PVT1: variants seen among roughly 807,000 people sequenced by gnomAD.
The protein encoded by PVT1 is Pvt1 oncogene.
intron 4 of PVT1, among the ~76,000 whole-genome samples, chr8:128,044,062 C>G (rs1293120023): frequency 6.8e-6 from 1 of 146,556 alleles, no homozygotes; most frequent in Non-Finnish European, 1.5e-5. Flanking sequence ...GTTGCTCAGG[C>G]TGGTGTCAAC....
chr8:127,929,216 T>C (rs1396595310), intron 3 of PVT1, among the ~76,000 whole-genome samples: 7 of 114,388 alleles, frequency 6.1e-5, no homozygotes, highest in Non-Finnish European at 9.7e-5. Context: ...TTTTTTTTTT[T>C]TATTTGTAAG....
chr8:127,921,137 G>T (rs1816051982), intron 3 of PVT1, among the ~76,000 whole-genome samples: 1 of 152,140 alleles, frequency 6.6e-6, no homozygotes, highest in Non-Finnish European at 1.5e-5. Flanking sequence ...CAGCTGCAGG[G>T]TTTCCTGGAA....
At chr8:127,812,462 A>G (rs183760331) in intron 2 of PVT1, among the ~76,000 whole-genome samples, 3 of 152,110 alleles carry the variant, frequency 2.0e-5, no homozygotes, top group Admixed American at 1.3e-4. Context: ...CAGGAGGCCA[A>G]AGCTGGAGGA....
chr8:128,012,177 T>C (rs1376096126), intron 4 of PVT1, among the ~76,000 whole-genome samples: 1 of 152,172 alleles, frequency 6.6e-6, no homozygotes, highest in African/African-American at 2.4e-5. Flanking sequence ...GGGGGATGCA[T>C]GAAGGAGCTA....
chr8:127,917,953 C>T (rs758169244), intron 3 of PVT1, among the ~76,000 whole-genome samples: 43 of 151,780 alleles, frequency 2.8e-4, no homozygotes, highest in Non-Finnish European at 5.6e-4. Flanking sequence ...AAGGAGATTA[C>T]GGACAAGGCA....
chr8:127,913,042 G>A (rs1319493134), intron 3 of PVT1, among the ~76,000 whole-genome samples: 3 of 152,198 alleles, frequency 2.0e-5, no homozygotes, highest in Admixed American at 6.5e-5. Flanking sequence ...TAGAGATGGG[G>A]TTTTACCGTG....
At chr8:127,824,650 ATCATGTAATG>A (rs1358355340) in intron 2 of PVT1, among the ~76,000 whole-genome samples, 14 of 152,140 alleles carry the variant, frequency 9.2e-5, no homozygotes, top group African/African-American at 3.4e-4. Context: ...TAAACTTGAG[ATCATGTAATG>A]TCAACAAGTT....
intron 3 of PVT1, among the ~76,000 whole-genome samples, chr8:127,952,103 C>T (rs554528753): frequency 3.3e-5 from 5 of 152,206 alleles, no homozygotes; most frequent in African/African-American, 9.6e-5. Context: ...CGTGAGCCAC[C>T]GCGCCTGGCC....
intron 2 of PVT1, among the ~76,000 whole-genome samples, chr8:127,797,879 C>T (rs1229466020): frequency 6.6e-6 from 1 of 152,030 alleles, no homozygotes. Context: ...GATGAGGAAC[C>T]CACAGCCCAG....
intron 4 of PVT1, among the ~76,000 whole-genome samples, chr8:128,066,938 C>G (rs1875027): frequency 0.68 from 102,839 of 151,858 alleles, 35,126 homozygotes; most frequent in East Asian, 0.84. Context: ...CACTGAGCAT[C>G]CAATACCCCT....
chr8:127,942,962 G>A lies in PVT1; in HGVS notation n.783-46200G>A, dbSNP rs1175201462. On this transcript the variant is annotated intron_variant and non_coding_transcript_variant, in intron 3 of 10. Transcript: ENST00000651587. ...AGAAATAAAATCTGAGGAGGGAGCA[G>A]GACCTGCCTCAGGGCCTCCTCTCCA... is the stretch of plus-strand genomic sequence containing the variant. 3.9e-5 allele frequency among the ~76,000 whole-genome samples: 6 copies of A among 152,220 alleles called. 1 individual carries two copies. The East Asian group carries it at 1.2e-3, about 29-fold the overall frequency.
At chr8:127,832,005 C>T (rs6990825) in intron 2 of PVT1, among the ~76,000 whole-genome samples, 5,191 of 152,264 alleles carry the variant, frequency 0.034, 291 homozygotes, top group African/African-American at 0.12. Context: ...CTCAAAACAA[C>T]ATCTTTGCAG....
chr8:128,000,162 C>T (rs1817158730), intron 4 of PVT1, among the ~76,000 whole-genome samples: 1 of 152,220 alleles, frequency 6.6e-6, no homozygotes, highest in Admixed American at 6.5e-5. Context: ...GCACACTGCT[C>T]CTAGAACCCC....
At chr8:127,824,602 A>G (rs1416725465) in intron 2 of PVT1, among the ~76,000 whole-genome samples, 3 of 152,172 alleles carry the variant, frequency 2.0e-5, no homozygotes, top group African/African-American at 7.2e-5. Flanking sequence ...TGTTAACGCA[A>G]TTGCTGCATT....
intron 3 of PVT1, among the ~76,000 whole-genome samples, chr8:127,959,283 G>T (rs776920937): frequency 1.5e-4 from 23 of 152,188 alleles, no homozygotes; most frequent in Admixed American, 5.2e-4. Flanking sequence ...ACACTCTGGG[G>T]ATATAAAAGT....
At chr8:128,015,304 G>T (rs1817360417) in intron 4 of PVT1, among the ~76,000 whole-genome samples, 1 of 151,884 alleles carries the variant, frequency 6.6e-6, no homozygotes, top group Non-Finnish European at 1.5e-5. Flanking sequence ...TGACCAGGCT[G>T]GTCTTAAACT....
chr8:127,929,652 C>A (rs891389863), intron 3 of PVT1, among the ~76,000 whole-genome samples: 1 of 152,092 alleles, frequency 6.6e-6, no homozygotes, highest in African/African-American at 2.4e-5. Flanking sequence ...CCTGTAGTCC[C>A]AGCTACTCGG....
intron 4 of PVT1, among the ~76,000 whole-genome samples, chr8:128,063,237 G>T (rs2130124171): frequency 6.6e-6 from 1 of 152,274 alleles, no homozygotes; most frequent in Middle Eastern, 3.4e-3. Context: ...CGCAGGCCAG[G>T]CACAGTGGCT....
At chr8:128,038,508 C>T (rs532858163) in intron 4 of PVT1, among the ~76,000 whole-genome samples, 10 of 152,232 alleles carry the variant, frequency 6.6e-5, no homozygotes, top group Admixed American at 5.2e-4. Context: ...GAGGGAGGTG[C>T]GGCACGTGAA....
Sources: gnomAD v4.1 joint callset for allele counts (sites outside exome capture counted in the v4.1 genomes callset) on GRCh38, gnomAD v4.1.1 for gene constraint, MANE v1.5 for transcripts, NCBI Gene and HGNC (gene_info 2026-07-23, HGNC 2026-07-21) for gene names.